Variants in TFF3 observed in about 807,000 individuals in gnomAD.
TFF3 encodes the protein polypeptide P1.B.
TFF3 carries 6 observed loss-of-function variants against 9.7 expected under a neutral mutation model. The ratio of observed to expected loss-of-function variants is 0.62; its 90% CI spans 0.34 to 1.22. TFF3 has a LOEUF of 1.22. TFF3 is among the 50% of genes most tolerant of loss of function. TFF3 has a pLI of 0.04. For synonymous variants in TFF3, 48 were observed against 41.4 expected, an observed-to-expected ratio of 1.16 and a Z score of -0.61; for missense variants, 93 against 98.6, an observed-to-expected ratio of 0.94 and a Z score of 0.24.
In TFF3 at chr21:42,315,306, C is replaced by T. The variant is rs1217818695; in HGVS notation, c.69G>A (p.Glu23=). 4 of 1,613,818 alleles carry T rather than the reference C, an allele frequency of 2.5e-6. No individual in the cohort carries two copies. The highest frequency in any genetic ancestry group is 4.5e-5 in the East Asian group (2 of 44,888). Residue 23 remains glutamate (E), a synonymous_variant, in exon 1 of 3, where the codon GAG becomes GAA. Coordinates refer to ENST00000518498, the MANE Select transcript of TFF3 (RefSeq NM_003226.4). ...GGCAGTACTCACACAGGCCCACGTA[C>T]TCCTCAGCAGAGCTGGAGGACAGCA... is the stretch of plus-strand genomic sequence containing the variant. ...LALLSSSSAE[E]YVGLSANQCA... is the part of the protein sequence containing the mutation.
rs79341074 is a variant in TFF3 at position 42,313,029 on chromosome 21, G to T, written c.229+456C>A. 0.012 allele frequency among the ~76,000 whole-genome samples: 1,875 copies of T among 152,206 alleles called. 32 individuals carry two copies. The highest frequency in any genetic ancestry group is 0.043 in the African/African-American group (1,779 of 41,528). ...GAGAGGGAGAGGAGATGACCCTTGT[G>T]GGGGGCAGAGTGGGGGAGGTGGGGT... On this transcript the variant is annotated intron_variant, in intron 2 of 2. Transcript: ENST00000518498. The surrounding 1 kb of genome is among the most constrained non-coding windows in gnomAD (Gnocchi z 4.0).
At chr21:42,314,007 C>G (rs957338259) in intron 1 of TFF3, among the ~76,000 whole-genome samples, 1 of 152,196 alleles carries the variant, frequency 6.6e-6, no homozygotes, top group African/African-American at 2.4e-5. Flanking sequence ...AACCTTGCCC[C>G]TTTGTTTTAA....
In TFF3 at chr21:42,312,060, CGAA is replaced by C; in HGVS notation, c.*193_*195del. The C allele has an allele frequency of 1.3e-6, 1 of 775,656 alleles. No individual in the cohort carries two copies. The highest frequency in any genetic ancestry group is 2.3e-6 in the Non-Finnish European group (1 of 437,256). 48.0% of individuals were successfully genotyped at this position (775,656 alleles called of 1,614,324 possible). On this transcript the variant is annotated 3_prime_UTR_variant, in exon 3 of 3. Transcript: ENST00000518498. ...GCACAACCTCAGAAAGTCTCAGGCA[CGAA>C]GAACTGTCCTCGGGTGGAGCATGGG...
At position 42,313,359 on chromosome 21, in the gene TFF3, C is replaced by T; in HGVS notation, c.229+126G>A. ...AAGCCTCTGCTCTGAGGCCTTGGAA[C>T]AGGTGTGTGTGTGTGGCTTCCTGGG... On this transcript the variant is annotated intron_variant, in intron 2 of 2. Transcript: ENST00000518498. The surrounding 1 kb of genome is among the most constrained non-coding windows in gnomAD (Gnocchi z 4.0). 7.7e-6 allele frequency: 9 copies of T among 1,165,002 alleles called. No homozygotes were observed. In the South Asian group the frequency reaches 1.5e-4, roughly 19 times the overall value. 72.2% of individuals were successfully genotyped at this position (1,165,002 alleles called of 1,614,324 possible).
chr21:42,314,546 T>G (rs1280133981), intron 1 of TFF3, among the ~76,000 whole-genome samples: 2 of 152,176 alleles, frequency 1.3e-5, no homozygotes, highest in Non-Finnish European at 2.9e-5. Context: ...TCCCAGCTAC[T>G]TGAAGCCGAG....
Position 42,312,010 on chromosome 21 carries a change from T to A in TFF3, c.*246A>T. ...ACTCTCCCCTGACACCCTCCCGCCC[T>A]CTCCCACGACGCAGCAGAAATAAAG... On this transcript the variant is annotated 3_prime_UTR_variant, in exon 3 of 3. Coordinates refer to ENST00000518498, the MANE Select transcript of TFF3 (RefSeq NM_003226.4). The A allele has an allele frequency of 3.0e-4, 164 of 550,586 alleles. No homozygotes were observed. Among genetic ancestry groups the A allele is most frequent in the East Asian group, 5.9e-4 (15 of 25,420 alleles). 34.1% of individuals were successfully genotyped at this position (550,586 alleles called of 1,614,324 possible).
chr21:42,313,253 C>A lies in TFF3; in HGVS notation c.229+232G>T, dbSNP rs2069340892. 6.6e-6 allele frequency among the ~76,000 whole-genome samples: 1 copy of A among 152,202 alleles called. No individual in the cohort carries two copies. The highest frequency in any genetic ancestry group is 1.5e-5 in the Non-Finnish European group (1 of 68,028). On this transcript the variant is annotated intron_variant, in intron 2 of 2. Transcript: ENST00000518498. The surrounding 1 kb of genome is among the most constrained non-coding windows in gnomAD (Gnocchi z 4.0). ...CTATGCGATGCCATCATTTTGAACA[C>A]CTTTTTGAAACAATTGCTTTTATGT...
rs758448256 is a variant in TFF3 at position 42,312,074 on chromosome 21, C to T, written c.*182G>A. 8 of 817,436 alleles carry T rather than the reference C, an allele frequency of 9.8e-6. No homozygotes were observed. Among genetic ancestry groups the T allele is most frequent in the South Asian group, 1.4e-5 (1 of 70,580 alleles). 50.6% of individuals were successfully genotyped at this position (817,436 alleles called of 1,614,324 possible). A position where few individuals can be genotyped will look rare whatever the true frequency, so the allele number is the denominator to read the frequency against. On this transcript the variant is annotated 3_prime_UTR_variant, in exon 3 of 3. Coordinates refer to ENST00000518498, the MANE Select transcript of TFF3 (RefSeq NM_003226.4). ...AGTCTCAGGCACGAAGAACTGTCCTCGGGTGGAGCATGGGACCTTTATTCG... is the reference window on the plus strand; with the variant it reads ...AGTCTCAGGCACGAAGAACTGTCCTTGGGTGGAGCATGGGACCTTTATTCG...
chr21:42,312,904 G>A lies in TFF3; in HGVS notation c.229+581C>T, dbSNP rs1426948678. On this transcript the variant is annotated intron_variant, in intron 2 of 2. Transcript: ENST00000518498. ...GGTGGAGCCAGGGTGGCAAACCCGT[G>A]TGCAGGGCCATCTGTTACCCGCACA... Among the ~76,000 whole-genome samples, 3 of 152,266 alleles carry A rather than the reference G, an allele frequency of 2.0e-5. No individual in the cohort carries two copies. In the East Asian group the frequency reaches 5.8e-4, roughly 30 times the overall value.
chr21:42,314,173 C>A (rs1040679338), intron 1 of TFF3, among the ~76,000 whole-genome samples: 5 of 152,362 alleles, frequency 3.3e-5, no homozygotes, highest in African/African-American at 4.8e-5. Context: ...ATGTTTCAGG[C>A]AAGCCTCTAT....
chr21:42,312,464 C>T (rs1332779868), intron 2 of TFF3, among the ~76,000 whole-genome samples, 195 bp from the exon 3 acceptor site: 2 of 152,178 alleles, frequency 1.3e-5, no homozygotes, highest in East Asian at 3.9e-4. Flanking sequence ...ATAGTGGGAC[C>T]CAGGGATCAG....
chr21:42,315,386 G>T lies in TFF3; in HGVS notation c.-12C>A, dbSNP rs2069353127. On this transcript the variant is annotated 5_prime_UTR_variant, in exon 1 of 3. Coordinates refer to ENST00000518498, the MANE Select transcript of TFF3 (RefSeq NM_003226.4). ...GCTCTGGCAGCCATGACCACCGTGGGCTCCGGGACGCAGCTCAGGACTCGC... is the reference window on the plus strand; with the variant it reads ...GCTCTGGCAGCCATGACCACCGTGGTCTCCGGGACGCAGCTCAGGACTCGC... 1 of 1,614,082 alleles carries T rather than the reference G, an allele frequency of 6.2e-7. No homozygotes were observed. Among genetic ancestry groups the T allele is most frequent in the South Asian group, 1.1e-5 (1 of 91,082 alleles).
Sources: gnomAD v4.1 joint callset for allele counts (sites outside exome capture counted in the v4.1 genomes callset) on GRCh38, gnomAD v4.1.1 for gene constraint, Gnocchi (gnomAD v3.1) non-coding constraint, MANE v1.5 for transcripts, NCBI Gene and HGNC (gene_info 2026-07-23, HGNC 2026-07-21) for gene names.